Variants in CAPZB observed in about 807,000 individuals in gnomAD.
The protein encoded by CAPZB is F-actin-capping protein subunit beta.
Under a neutral mutation model 38.1 loss-of-function variants are expected in CAPZB, and 2 were observed. The ratio of observed to expected loss-of-function variants is 0.05; its 90% confidence interval spans 0.02 to 0.17. CAPZB has a LOEUF of 0.17. Ranked by LOEUF, CAPZB falls within the 10% of genes least tolerant of loss-of-function variation. The probability of loss-of-function intolerance (pLI) is 1.00; values close to 1 mark genes in which losing one functional copy is unlikely to be tolerated. For missense variants in CAPZB, 161 were observed against 334.2 expected (o/e 0.48, Z 4.04); for synonymous variants, 107 against 127.4 (o/e 0.84, Z 1.08).
intron 1 of CAPZB, among the ~76,000 whole-genome samples, chr1:19,464,114 G>A (rs1028306685): frequency 6.6e-6 from 1 of 151,594 alleles, no homozygotes; most frequent in African/African-American, 2.4e-5. Context: ...TTTAACCTGG[G>A]AGACAGAGGT....
At chr1:19,349,950 T>C (rs772882062) in intron 6 of CAPZB, among the ~76,000 whole-genome samples, 75 of 152,240 alleles carry the variant, frequency 4.9e-4, no homozygotes, top group Admixed American at 3.3e-4. Context: ...CTGCATATAT[T>C]ATTACATCCT....
chr1:19,473,662 G>A (rs957365618), intron 1 of CAPZB, among the ~76,000 whole-genome samples: 3 of 152,152 alleles, frequency 2.0e-5, no homozygotes, highest in South Asian at 2.1e-4. Context: ...TCAGGAGTTC[G>A]AGACCAGCCT....
At chr1:19,414,941 C>G (rs941967680) in intron 2 of CAPZB, among the ~76,000 whole-genome samples, 5 of 152,240 alleles carry the variant, frequency 3.3e-5, no homozygotes, top group Non-Finnish European at 5.9e-5. Context: ...TCCCACCAAT[C>G]AGAGCAGGCC....
At chr1:19,410,443 T>C (rs2094352450) in intron 2 of CAPZB, among the ~76,000 whole-genome samples, 1 of 152,196 alleles carries the variant, frequency 6.6e-6, no homozygotes, top group Non-Finnish European at 1.5e-5. Context: ...GCTTTCAAAA[T>C]AGCACTTTCC....
intron 1 of CAPZB, among the ~76,000 whole-genome samples, chr1:19,429,445 T>C (rs1179611942): frequency 6.6e-6 from 1 of 152,168 alleles, no homozygotes; most frequent in Non-Finnish European, 1.5e-5. Context: ...AGATACGATA[T>C]ACTAATAATT....
chr1:19,339,508 C>G lies in CAPZB; in HGVS notation c.*22G>C. Reference sequence around the variant, plus strand: ...GGAATCTAACGAGTGCACGGCGTGTCTGGTTAGCATGAAACAGAGGTTTAG... The same window carrying G: ...GGAATCTAACGAGTGCACGGCGTGTGTGGTTAGCATGAAACAGAGGTTTAG... On this transcript the variant is annotated 3_prime_UTR_variant, in exon 9 of 9. Transcript: ENST00000264202. 1 of 1,574,568 alleles carries G rather than the reference C, an allele frequency of 6.4e-7. No homozygotes were observed. Among genetic ancestry groups the G allele is most frequent in the South Asian group, 1.1e-5 (1 of 90,322 alleles).
At chr1:19,370,526 C>A (rs768409308) in intron 4 of CAPZB, among the ~76,000 whole-genome samples, 15 of 152,194 alleles carry the variant, frequency 9.9e-5, no homozygotes, top group Non-Finnish European at 2.1e-4. Flanking sequence ...ACTGGTGAAG[C>A]AAGCCAGGGA....
At chr1:19,440,465 C>G (rs1458048826) in intron 1 of CAPZB, among the ~76,000 whole-genome samples, 1 of 152,230 alleles carries the variant, frequency 6.6e-6, no homozygotes, top group African/African-American at 2.4e-5. Context: ...CCAACCCTCA[C>G]AGCTCAGTCC....
At chr1:19,339,696 G>C in intron 8 of CAPZB, 79 bp from the exon 9 acceptor site, 1 of 1,088,742 alleles carries the variant, frequency 9.2e-7, no homozygotes. Context: ...CACCATGCCA[G>C]TGCCTGGCTG....
chr1:19,462,466 A>T (rs2094555122), intron 1 of CAPZB, among the ~76,000 whole-genome samples: 1 of 152,136 alleles, frequency 6.6e-6, no homozygotes, highest in Admixed American at 6.5e-5. Context: ...TCAAAAAAAA[A>T]AAAAATTAAA....
In CAPZB at chr1:19,344,900, G is replaced by A. The variant is rs553500625; in HGVS notation, c.654+287C>T. ...CGCAGGGCCCTGTTCACACCCAGGC[G>A]ATCAGGGGAGACAAGACCTAGTGCG... On this transcript the variant is annotated intron_variant, in intron 7 of 8. Transcript: ENST00000264202. Among the ~76,000 whole-genome samples, 6 of 152,358 alleles carry A rather than the reference G, an allele frequency of 3.9e-5. No individual in the cohort carries two copies. The South Asian group carries it at 1.0e-3, about 26-fold the overall frequency.
intron 1 of CAPZB, chr1:19,484,537 C>A: frequency 2.3e-6 from 3 of 1,314,552 alleles, no homozygotes; most frequent in Non-Finnish European, 2.9e-6. Context: ...CCTTCCCTCG[C>A]TGGCTCCTAG....
chr1:19,351,372 A>G (rs1391831816), intron 6 of CAPZB, among the ~76,000 whole-genome samples: 2 of 152,020 alleles, frequency 1.3e-5, no homozygotes, highest in African/African-American at 4.8e-5. Flanking sequence ...CAATGGTGCA[A>G]TCATAGCTCA....
chr1:19,366,156 G>A (rs1018807400), intron 4 of CAPZB, among the ~76,000 whole-genome samples: 1 of 151,374 alleles, frequency 6.6e-6, no homozygotes, highest in Admixed American at 6.6e-5. Flanking sequence ...GGACAAATAA[G>A]TGGTCTTAGG....
At chr1:19,425,813 C>A (rs1383000425) in intron 1 of CAPZB, among the ~76,000 whole-genome samples, 1 of 152,202 alleles carries the variant, frequency 6.6e-6, no homozygotes, top group Non-Finnish European at 1.5e-5. Flanking sequence ...GCCTACTAGG[C>A]AAACTCCAGG....
intron 1 of CAPZB, among the ~76,000 whole-genome samples, chr1:19,459,221 A>G (rs952032184): frequency 2.6e-5 from 4 of 152,216 alleles, no homozygotes; most frequent in Admixed American, 6.5e-5. Context: ...GAAAGAACAC[A>G]CTGAAAAGAA....
intron 1 of CAPZB, among the ~76,000 whole-genome samples, chr1:19,459,826 C>T (rs187263989): frequency 3.9e-5 from 6 of 152,212 alleles, no homozygotes; most frequent in East Asian, 1.9e-4. Context: ...CCTGCTGTAC[C>T]GCCCCAGACG....
chr1:19,377,558 T>G (rs2094150262), intron 4 of CAPZB, among the ~76,000 whole-genome samples: 1 of 152,238 alleles, frequency 6.6e-6, no homozygotes, highest in African/African-American at 2.4e-5. Flanking sequence ...AATTTTACAT[T>G]TTAAAGGTTC....
chr1:19,393,392 T>C (rs2094248318), intron 2 of CAPZB, among the ~76,000 whole-genome samples: 1 of 152,138 alleles, frequency 6.6e-6, no homozygotes, highest in Admixed American at 6.5e-5. Context: ...CATCAAAACA[T>C]ATCTCCTTAG....
Sources: gnomAD v4.1 joint callset for allele counts (sites outside exome capture counted in the v4.1 genomes callset) on GRCh38, gnomAD v4.1.1 for gene constraint, MANE v1.5 for transcripts, NCBI Gene and HGNC (gene_info 2026-07-23, HGNC 2026-07-21) for gene names.